HEPH: variants seen among roughly 807,000 people sequenced by gnomAD.
The protein encoded by HEPH is hephaestin.
HEPH carries 69 observed loss-of-function variants against 80.8 expected under a neutral mutation model. That is an observed-to-expected ratio of 0.85 (90% CI 0.70 to 1.04). The LOEUF (loss-of-function observed/expected upper bound fraction) is 1.04, where lower values mean the gene tolerates loss of function less well. HEPH is among the 50% of genes least tolerant of loss of function. The probability of loss-of-function intolerance (pLI) is 0.00; values close to 1 mark genes in which losing one functional copy is unlikely to be tolerated. For synonymous variants in HEPH, 431 were observed against 322.8 expected (o/e 1.34, Z -3.60); for missense variants, 1,115 against 891.3 (o/e 1.25, Z -3.20).
At chrX:66,162,873 C>A (rs1226975075), upstream of HEPH, 10 of 1,151,778 alleles carry the variant, frequency 8.7e-6, no homozygotes, top group Non-Finnish European at 1.1e-5. Flanking sequence ...CTCCTCATCA[C>A]AAAGTAAGAA....
At chrX:66,232,462 G>A (rs1304656071) in intron 15 of HEPH, among the ~76,000 whole-genome samples, 1 of 111,282 alleles carries the variant, frequency 9.0e-6, no homozygotes, top group Non-Finnish European at 1.9e-5. Flanking sequence ...TACCACTATT[G>A]AAAATATGTA....
At chrX:66,220,454 C>T (rs1333564812) in intron 15 of HEPH, among the ~76,000 whole-genome samples, 1 of 111,180 alleles carries the variant, frequency 9.0e-6, no homozygotes, top group African/African-American at 3.3e-5. Context: ...TTGGTTATTA[C>T]TAGCTTTAAG....
rs137949576 is a variant in HEPH at position 66,244,460 on chromosome X, C to T, written c.2564-10575C>T. On this transcript the variant is annotated intron_variant, in intron 15 of 20. Coordinates refer to ENST00000343002, the MANE Select transcript of HEPH (RefSeq NM_001367233.3). ...TGGTTGATTCTGCTGTTAATACTTG[C>T]AATTTTATTATGAAATTATTGAGGT... Among the ~76,000 whole-genome samples the T allele has an allele frequency of 5.9e-3, 664 of 111,883 alleles. 2 individuals are homozygous for T. Among genetic ancestry groups the T allele is most frequent in the Middle Eastern group, 0.014 (3 of 219 alleles).
rs750484474 is a variant in HEPH, at chrX:66,256,439, G to A, written c.2896+109G>A. The A allele has an allele frequency of 2.3e-5, 12 of 531,370 alleles. No individual in the cohort carries two copies. In the African/African-American group the frequency reaches 2.4e-4, roughly 11 times the overall value. The allele number at this position is 531,370 out of a possible 1,213,427, so 43.8% of individuals were successfully genotyped here. A position where few individuals can be genotyped will look rare whatever the true frequency, so the allele number is the denominator to read the frequency against. ...GGGAACATAATCCCAGAGAGGACAC[G>A]AACATGGGAAGGTGAAATGGGGATG... On this transcript the variant is annotated intron_variant, in intron 17 of 20. Coordinates refer to ENST00000343002, the MANE Select transcript of HEPH (RefSeq NM_001367233.3).
Position 66,188,343 on chromosome X carries a change from G to A in HEPH, c.626-16G>A, listed in dbSNP as rs746631941. On this transcript the variant is annotated splice_polypyrimidine_tract_variant and intron_variant, in intron 4 of 20. Coordinates refer to ENST00000343002, the MANE Select transcript of HEPH (RefSeq NM_001367233.3). Reference sequence around the variant, plus strand: ...GGAAAGGATCTTCTCAAGGGAAACTGTCTTACTTGCCCTAGGAGCCCTGGA... The same window carrying A: ...GGAAAGGATCTTCTCAAGGGAAACTATCTTACTTGCCCTAGGAGCCCTGGA... 3 of 1,157,220 alleles carry A rather than the reference G, an allele frequency of 2.6e-6. No homozygotes were observed. In the African/African-American group the frequency reaches 5.4e-5, roughly 21 times the overall value.
chrX:66,253,044 G>A (rs1034287980), intron 15 of HEPH, among the ~76,000 whole-genome samples: 1 of 111,966 alleles, frequency 8.9e-6, no homozygotes, highest in Non-Finnish European at 1.9e-5. Context: ...CTTGGATTAG[G>A]CAATGGTTTC....
rs1362101632 is a variant in HEPH, at chrX:66,176,712, A to G, written c.625+2911A>G. ...CCCATTCCTGTGTCCATGTGTTCTC[A>G]TTGTTCAATTCCCACCTATGATTGA... On this transcript the variant is annotated intron_variant, in intron 4 of 20. Transcript: ENST00000343002. 1.2e-4 allele frequency among the ~76,000 whole-genome samples: 13 copies of G among 110,281 alleles called. No individual in the cohort carries two copies. The East Asian group carries it at 2.9e-3, about 24-fold the overall frequency.
intron 4 of HEPH, among the ~76,000 whole-genome samples, chrX:66,180,404 T>C (rs1210522606): frequency 1.8e-5 from 2 of 110,966 alleles, no homozygotes; most frequent in Non-Finnish European, 1.9e-5. Flanking sequence ...CGGCTGATAA[T>C]TGTTTTGTTT....
chrX:66,234,428 A>G (rs1367545301), intron 15 of HEPH, among the ~76,000 whole-genome samples: 1 of 111,657 alleles, frequency 9.0e-6, no homozygotes, highest in African/African-American at 3.3e-5. Flanking sequence ...TTGAGTATAT[A>G]CCCAGTAATG....
chrX:66,164,250 C>A lies in HEPH; in HGVS notation c.-234C>A. ...CCAGGCCCCAGAGGAACAGGACATT[C>A]CAGTAGTTTTGTTTCTGGAAAAGAG... On this transcript the variant is annotated 5_prime_UTR_variant, in exon 1 of 21. Transcript: ENST00000343002. 1 of 753,867 alleles carries A rather than the reference C, an allele frequency of 1.3e-6. No homozygotes were observed. Among genetic ancestry groups the A allele is most frequent in the Non-Finnish European group, 1.6e-6 (1 of 639,033 alleles). The allele number at this position is 753,867 out of a possible 1,213,427, so 62.1% of individuals were successfully genotyped here. A position where few individuals can be genotyped will look rare whatever the true frequency, so the allele number is the denominator to read the frequency against.
rs923055114 is a variant in HEPH at position 66,247,514 on chromosome X, T to C, written c.2564-7521T>C. Among the ~76,000 whole-genome samples, 14 of 111,071 alleles carry C rather than the reference T, an allele frequency of 1.3e-4. No homozygotes were observed. In the East Asian group the frequency reaches 3.9e-3, roughly 31 times the overall value. On this transcript the variant is annotated intron_variant, in intron 15 of 20. Coordinates refer to ENST00000343002, the MANE Select transcript of HEPH (RefSeq NM_001367233.3). Reference sequence around the variant, plus strand: ...CTATTCCAGAATTTGTTTGGTTCCTTTTTATTTCCATATCTTTATTTATAT... The same window carrying C: ...CTATTCCAGAATTTGTTTGGTTCCTCTTTATTTCCATATCTTTATTTATAT...
chrX:66,251,072 T>C (rs2090988106), intron 15 of HEPH, among the ~76,000 whole-genome samples: 1 of 111,672 alleles, frequency 9.0e-6, no homozygotes, highest in African/African-American at 3.3e-5. Context: ...TTAGCAGAGA[T>C]AGGTTTTGCC....
chrX:66,192,086 T>C, intron 6 of HEPH, 44 bp from the exon 7 acceptor site: 1 of 1,154,797 alleles, frequency 8.7e-7, no homozygotes, highest in Non-Finnish European at 1.2e-6. Context: ...TGGGTTAAAA[T>C]CCTATTGGAT....
At chrX:66,223,428 C>A (rs1201289958) in intron 15 of HEPH, among the ~76,000 whole-genome samples, 3 of 111,168 alleles carry the variant, frequency 2.7e-5, no homozygotes, top group Non-Finnish European at 5.7e-5. Context: ...GCCAGATAAG[C>A]TAAATTTCAC....
At chrX:66,171,086 T>C (rs2086576755) in intron 2 of HEPH, 1 of 318,589 alleles carries the variant, frequency 3.1e-6, no homozygotes, top group Non-Finnish European at 5.9e-6. Context: ...GTGGGAGCTA[T>C]GCTTCTATAG....
In HEPH at chrX:66,170,574, G is replaced by A; in HGVS notation, c.4G>A (p.Glu2Lys). 1 of 1,208,929 alleles carries A rather than the reference G, an allele frequency of 8.3e-7. No individual in the cohort carries two copies. Among genetic ancestry groups the A allele is most frequent in the Non-Finnish European group, 1.1e-6 (1 of 893,922 alleles). ...GTTTCCCAGAGTAATGTGGGCCATG[G>A]AGTCAGGCCACCTCCTCTGGGCTCT... is the stretch of plus-strand genomic sequence containing the variant. The part of the protein sequence containing the change: M[E>K]SGHLLWALLF... Residue 2 changes from glutamate to lysine, a missense_variant, in exon 2 of 21, where the codon GAG (glutamate) becomes AAG (lysine). By Grantham distance (56) the Glu-to-Lys change is moderately conservative. Transcript: ENST00000343002.
At chrX:66,249,207 G>A (rs1285135069) in intron 15 of HEPH, among the ~76,000 whole-genome samples, 3 of 110,631 alleles carry the variant, frequency 2.7e-5, no homozygotes, top group African/African-American at 9.9e-5. Context: ...GTAGAGTAGT[G>A]GTAAAAGGAA....
At position 66,264,028 on chromosome X, in the gene HEPH, A is replaced by T. The variant is rs753181800; in HGVS notation, c.3244+340A>T. Among the ~76,000 whole-genome samples, 16 of 110,669 alleles carry T rather than the reference A, an allele frequency of 1.4e-4. No homozygotes were observed. In the South Asian group the frequency reaches 6.1e-3, roughly 42 times the overall value. On this transcript the variant is annotated intron_variant, in intron 20 of 20. Transcript: ENST00000343002. Reference sequence around the variant, plus strand: ...AACCAAATACTGCATGTTCTCACTTATAAGTGGGAGTTAAGCTATGAATAT... The same window carrying T: ...AACCAAATACTGCATGTTCTCACTTTTAAGTGGGAGTTAAGCTATGAATAT...
intron 15 of HEPH, among the ~76,000 whole-genome samples, chrX:66,245,823 AACTC>A (rs1392322298): frequency 2.7e-5 from 3 of 112,335 alleles, no homozygotes; most frequent in African/African-American, 9.7e-5. Context: ...AGGATTAAGA[AACTC>A]ACTCAAAACC....
Sources: gnomAD v4.1 joint callset for allele counts (sites outside exome capture counted in the v4.1 genomes callset) on GRCh38, gnomAD v4.1.1 for gene constraint, MANE v1.5 for transcripts, NCBI Gene and HGNC (gene_info 2026-07-23, HGNC 2026-07-21) for gene names.